The following GRM8 variants were observed in gnomAD, a reference collection of about 807,000 sequenced individuals.
GRM8 encodes the protein metabotropic glutamate receptor 8.
In GRM8, 47 loss-of-function variants were observed where a neutral mutation model predicts 87.2. The ratio of observed to expected loss-of-function variants is 0.54; its 90% CI spans 0.43 to 0.69. GRM8 has a LOEUF of 0.69. Among genes scored for constraint, GRM8 ranks in the 30% least tolerant of loss-of-function variants. The probability of loss-of-function intolerance (pLI) is 0.00; values close to 1 mark genes in which losing one functional copy is unlikely to be tolerated. For synonymous variants in GRM8, 396 were observed against 404.5 expected (o/e 0.98, Z 0.25); for missense variants, 1,019 against 1,139.2 (o/e 0.89, Z 1.52).
At chr7:127,171,478 C>T (rs753687870) in intron 2 of GRM8, among the ~76,000 whole-genome samples, 12 of 152,158 alleles carry the variant, frequency 7.9e-5, no homozygotes, top group Non-Finnish European at 1.2e-4. Context: ...ATGGGGCAAA[C>T]GTCATTGTTG....
intron 9 of GRM8, among the ~76,000 whole-genome samples, chr7:126,495,268 C>T (rs927231086): frequency 6.6e-6 from 1 of 151,896 alleles, no homozygotes; most frequent in African/African-American, 2.4e-5. Context: ...GGGTTAGAGC[C>T]AGCACAGCAA....
chr7:126,657,206 TTAA>T (rs1804623846), intron 7 of GRM8, among the ~76,000 whole-genome samples: 1 of 27,280 alleles, frequency 3.7e-5, no homozygotes, highest in Non-Finnish European at 6.2e-5. Context: ...AAAAATGAGC[TTAA>T]GTTACGAGAT....
chr7:127,123,258 A>G (rs145772414), intron 2 of GRM8, among the ~76,000 whole-genome samples: 25 of 152,244 alleles, frequency 1.6e-4, no homozygotes, highest in Admixed American at 1.3e-3. Context: ...TACAACTGCT[A>G]CGGTTTGAAT....
chr7:127,027,301 T>C (rs910306741), intron 3 of GRM8, among the ~76,000 whole-genome samples: 5 of 152,174 alleles, frequency 3.3e-5, no homozygotes, highest in African/African-American at 9.7e-5. Context: ...TTGCTTAGGA[T>C]TGTCTTGGCT....
intron 2 of GRM8, among the ~76,000 whole-genome samples, chr7:127,134,428 C>T (rs1326437213): frequency 1.3e-5 from 2 of 152,162 alleles, no homozygotes; most frequent in Admixed American, 1.3e-4. Context: ...CTTGTTAAAT[C>T]ACTGTTACAT....
chr7:126,574,888 G>A (rs1304259264), intron 8 of GRM8, among the ~76,000 whole-genome samples: 1 of 152,120 alleles, frequency 6.6e-6, no homozygotes, highest in Non-Finnish European at 1.5e-5. Context: ...CTGTGAAGAG[G>A]TTCCCTGATG....
At chr7:126,999,810 C>T (rs1240018604) in intron 3 of GRM8, among the ~76,000 whole-genome samples, 1 of 151,754 alleles carries the variant, frequency 6.6e-6, no homozygotes, top group Non-Finnish European at 1.5e-5. Flanking sequence ...ATTACAACTG[C>T]TATGGAGAAC....
chr7:126,805,027 C>G (rs1407035234), intron 6 of GRM8, among the ~76,000 whole-genome samples: 3 of 152,192 alleles, frequency 2.0e-5, no homozygotes, highest in Non-Finnish European at 4.4e-5. Flanking sequence ...TTCCTTCCAT[C>G]TGAGATGCTG....
chr7:126,460,585 A>C (rs183928530), intron 9 of GRM8, among the ~76,000 whole-genome samples: 9 of 151,672 alleles, frequency 5.9e-5, no homozygotes, highest in South Asian at 2.1e-4. Flanking sequence ...TCTGTGATGT[A>C]AAAGAGAGCT....
At chr7:127,058,542 A>C (rs1006358798) in intron 3 of GRM8, among the ~76,000 whole-genome samples, 3 of 152,190 alleles carry the variant, frequency 2.0e-5, no homozygotes, top group African/African-American at 7.2e-5. Context: ...CTGGTGAAAA[A>C]AAAAATTAAT....
chr7:127,115,251 G>A (rs1245537641), intron 2 of GRM8, among the ~76,000 whole-genome samples: 1 of 152,140 alleles, frequency 6.6e-6, no homozygotes, highest in Non-Finnish European at 1.5e-5. Flanking sequence ...AGTGGTTGTG[G>A]CAGGCCAAGC....
At chr7:126,526,060 A>AAT (rs1554381593) in intron 9 of GRM8, among the ~76,000 whole-genome samples, 1 of 152,078 alleles carries the variant, frequency 6.6e-6, no homozygotes, top group African/African-American at 2.4e-5. Context: ...CAACATAAAA[A>AAT]ATATATATAT....
chr7:126,775,317 A>G (rs1364665362), intron 6 of GRM8, among the ~76,000 whole-genome samples: 2 of 152,048 alleles, frequency 1.3e-5, no homozygotes, highest in Non-Finnish European at 2.9e-5. Flanking sequence ...TTCTCTGCCT[A>G]TTGATAACCA....
chr7:126,935,738 G>A (rs768774815), intron 3 of GRM8, among the ~76,000 whole-genome samples: 5 of 152,172 alleles, frequency 3.3e-5, no homozygotes, highest in Non-Finnish European at 5.9e-5. Context: ...GCTTATAGAT[G>A]TCCACATGAA....
intron 8 of GRM8, among the ~76,000 whole-genome samples, chr7:126,579,933 T>A (rs1165213641): frequency 6.6e-6 from 1 of 152,076 alleles, no homozygotes; most frequent in Non-Finnish European, 1.5e-5. Context: ...AGATAAATAT[T>A]AAGGAAATAT....
chr7:126,712,875 G>A (rs141666840), intron 7 of GRM8, among the ~76,000 whole-genome samples: 1 of 152,278 alleles, frequency 6.6e-6, no homozygotes, highest in African/African-American at 2.4e-5. Context: ...ATAGAGAAAT[G>A]CAAATCAAAA....
chr7:126,741,103 G>C (rs1814916429), intron 7 of GRM8, among the ~76,000 whole-genome samples: 1 of 152,036 alleles, frequency 6.6e-6, no homozygotes, highest in African/African-American at 2.4e-5. Flanking sequence ...AAACCAGTGA[G>C]ACGTGGCTAC....
chr7:126,555,292 C>T lies in GRM8; in HGVS notation c.1495-21405G>A, dbSNP rs556941304. Among the ~76,000 whole-genome samples the T allele has an allele frequency of 3.7e-4, 56 of 152,256 alleles. 1 individual carries two copies. Among genetic ancestry groups the T allele is most frequent in the Admixed American group, 2.0e-3 (30 of 15,306 alleles). The stretch of plus-strand genomic sequence containing the variant: ...TAGCTGGATGTGAAGAAGCAAACTA[C>T]GTAAATGATGAAAGGAGATTCCTAT... On this transcript the variant is annotated intron_variant, in intron 8 of 10. Transcript: ENST00000339582.
At chr7:127,121,737 CT>C (rs1179733112) in intron 2 of GRM8, among the ~76,000 whole-genome samples, 1 of 152,108 alleles carries the variant, frequency 6.6e-6, no homozygotes, top group Non-Finnish European at 1.5e-5. Context: ...GTGCCACACA[CT>C]TTTAAACCAC....
Sources: allele counts gnomAD v4.1 joint callset (sites outside exome capture counted in the v4.1 genomes callset), GRCh38; gene constraint gnomAD v4.1.1; transcripts MANE v1.5; gene names NCBI Gene and HGNC (gene_info 2026-07-23, HGNC 2026-07-21).